Variants in TATDN3 observed in about 807,000 individuals in gnomAD.
The protein encoded by TATDN3 is TatD DNase domain containing 3, also known as deoxyribonuclease TATDN3.
A neutral mutation model predicts 40.1 loss-of-function variants in TATDN3; 29 were observed. The ratio of observed to expected loss-of-function variants is 0.72; its 90% CI spans 0.54 to 0.99. The LOEUF is 0.99. Among genes scored for constraint, TATDN3 ranks in the 50% least tolerant of loss-of-function variants. The pLI is 0.00. For missense variants in TATDN3, 309 were observed against 321.9 expected (o/e 0.96, Z 0.31); for synonymous variants, 105 against 117.0 (o/e 0.90, Z 0.66).
chr1:212,800,614 A>T (rs1438381388), intron 4 of TATDN3, among the ~76,000 whole-genome samples: 1 of 152,172 alleles, frequency 6.6e-6, no homozygotes, highest in East Asian at 1.9e-4. Context: ...GTAATTATTT[A>T]AAATCATTCT....
chr1:212,812,589 G>A (rs1159709707), intron 9 of TATDN3, among the ~76,000 whole-genome samples: 3 of 152,206 alleles, frequency 2.0e-5, no homozygotes, highest in Non-Finnish European at 4.4e-5. Context: ...AGTGTCTGCA[G>A]TCAGAAAGAC....
chr1:212,802,739 G>A lies in TATDN3; in HGVS notation c.297G>A (p.Lys99=), dbSNP rs369697680. 3.3e-5 allele frequency: 53 copies of A among 1,613,126 alleles called. No individual in the cohort carries two copies. The highest frequency in any genetic ancestry group is 4.4e-5 in the Non-Finnish European group (52 of 1,179,296). The part of the protein sequence containing the change: ...DVALPIIENY[K]DRLLAIGEVG... ...CTTTGCCCATTATTGAGAATTATAA[G>A]GATCGGTTGTTGGCAATTGGAGAGG... The change falls in exon 5 of 10, where the codon AAG becomes AAA. Residue 99 remains lysine, a synonymous_variant. Coordinates refer to ENST00000366974, the MANE Select transcript of TATDN3 (RefSeq NM_001042552.3).
At chr1:212,798,554 A>AAAAAG (rs1236219044) in intron 4 of TATDN3, among the ~76,000 whole-genome samples, 2 of 149,060 alleles carry the variant, frequency 1.3e-5, no homozygotes, top group Non-Finnish European at 3.0e-5. Context: ...AAAAAAAAAA[A>AAAAAG]AAAAGAAAAG....
chr1:212,814,927 C>A, intron 9 of TATDN3, 86 bp from the exon 10 acceptor site: 3 of 1,426,098 alleles, frequency 2.1e-6, no homozygotes, highest in Non-Finnish European at 2.8e-6. Flanking sequence ...TTGTTTTTAC[C>A]AACTCATTTT....
chr1:212,797,765 A>G (rs1367336695), intron 4 of TATDN3: 1 of 152,452 alleles, frequency 6.6e-6, no homozygotes, highest in Non-Finnish European at 1.5e-5. Context: ...AGTAAGTAGT[A>G]TTATCTTTGA....
chr1:212,812,068 C>T (rs959956516), intron 8 of TATDN3, among the ~76,000 whole-genome samples, 180 bp from the exon 9 acceptor site: 7 of 151,232 alleles, frequency 4.6e-5, no homozygotes, highest in South Asian at 2.1e-4. Context: ...CTCCTGACCT[C>T]GTGATCCACC....
intron 5 of TATDN3, among the ~76,000 whole-genome samples, chr1:212,803,935 C>A (rs1206616411): frequency 6.6e-6 from 1 of 151,972 alleles, no homozygotes; most frequent in Non-Finnish European, 1.5e-5. Flanking sequence ...ACTCAGGAAG[C>A]TGAGGCAAGA....
intron 7 of TATDN3, among the ~76,000 whole-genome samples, chr1:212,806,839 T>TATATACACATATATAC (rs1662550560): frequency 1.4e-5 from 1 of 71,840 alleles, no homozygotes; most frequent in African/African-American, 8.5e-5. Flanking sequence ...TATATATACA[T>TATATACACATATATAC]ATATACACAT....
At chr1:212,793,841 G>C (rs1324545108) in intron 1 of TATDN3, among the ~76,000 whole-genome samples, 1 of 152,142 alleles carries the variant, frequency 6.6e-6, no homozygotes, top group African/African-American at 2.4e-5. Context: ...AGGTGGAGGT[G>C]GGGAGGTCAG....
chr1:212,793,064 GCT>G (rs1661466847), intron 1 of TATDN3: 1 of 152,186 alleles, frequency 6.6e-6, no homozygotes, highest in South Asian at 2.1e-4. Flanking sequence ...TTGCCAAAAA[GCT>G]AAGTGGAGCC....
intron 8 of TATDN3, 149 bp downstream of exon 8, chr1:212,807,997 A>C (rs1662641751): frequency 5.3e-6 from 3 of 567,384 alleles, no homozygotes; most frequent in Non-Finnish European, 6.0e-6. Context: ...TGAACTCAGA[A>C]ATTGATCAAA....
rs2102493315 is a variant in TATDN3, at chr1:212,815,373, G to T, written c.*217G>T. The T allele has an allele frequency of 2.1e-6, 1 of 484,394 alleles. No individual in the cohort carries two copies. The highest frequency in any genetic ancestry group is 3.9e-5 in the East Asian group (1 of 25,724). 30.0% of individuals were successfully genotyped at this position (484,394 alleles called of 1,614,324 possible). A position where few individuals can be genotyped will look rare whatever the true frequency, so the allele number is the denominator to read the frequency against. On this transcript the variant is annotated 3_prime_UTR_variant, in exon 10 of 10. Transcript: ENST00000366974. ...CTTGTGCTGCTTTTCAATTAGCCGA[G>T]TTCTGGCAGGATATTGGGAAAATAC... is the stretch of plus-strand genomic sequence containing the variant.
chr1:212,803,430 C>T (rs1321330047), intron 5 of TATDN3, among the ~76,000 whole-genome samples: 1 of 152,062 alleles, frequency 6.6e-6, no homozygotes, highest in African/African-American at 2.4e-5. Context: ...GTAATCCACC[C>T]ACCTTCGCCT....
At position 212,815,239 on chromosome 1, in the gene TATDN3, A is replaced by C; in HGVS notation, c.*83A>C. 1 of 1,463,122 alleles carries C rather than the reference A, an allele frequency of 6.8e-7. No homozygotes were observed. The allele number at this position is 1,463,122 out of a possible 1,614,324, so 90.6% of individuals were successfully genotyped here. ...AGAAATGTTCTGATGAAGAATCTGA[A>C]CTGAAGAAGCTGTTTTATAGGGTTA... is the stretch of plus-strand genomic sequence containing the variant. On this transcript the variant is annotated 3_prime_UTR_variant, in exon 10 of 10. Coordinates refer to ENST00000366974, the MANE Select transcript of TATDN3 (RefSeq NM_001042552.3).
intron 9 of TATDN3, among the ~76,000 whole-genome samples, chr1:212,812,846 T>C (rs1662969550): frequency 6.6e-6 from 1 of 151,852 alleles, no homozygotes; most frequent in Non-Finnish European, 1.5e-5. Flanking sequence ...CTACTAAAAA[T>C]ACAAAAAAAT....
intron 6 of TATDN3, 38 bp from the exon 7 acceptor site, chr1:212,804,558 G>A: frequency 5.0e-6 from 8 of 1,599,754 alleles, no homozygotes; most frequent in Non-Finnish European, 6.0e-6. Context: ...AATACTTTCA[G>A]AATGGTACTT....
chr1:212,802,555 G>A (rs1662233978), intron 4 of TATDN3, 146 bp from the exon 5 acceptor site: 1 of 609,422 alleles, frequency 1.6e-6, no homozygotes, highest in Non-Finnish European at 3.0e-6. Flanking sequence ...CATTTTAGAA[G>A]GATTACTATT....
chr1:212,794,775 G>T (rs1661622166), intron 1 of TATDN3: 1 of 506,712 alleles, frequency 2.0e-6, no homozygotes, highest in Non-Finnish European at 3.8e-6. Context: ...GAAGTGAAGG[G>T]TGGAAAGCAT....
At chr1:212,805,176 G>A (rs1662382184) in intron 7 of TATDN3, among the ~76,000 whole-genome samples, 1 of 151,964 alleles carries the variant, frequency 6.6e-6, no homozygotes, top group Admixed American at 6.6e-5. Context: ...TGGCCAGGCT[G>A]GTCTCGAACT....
Sources: allele counts gnomAD v4.1 joint callset (sites outside exome capture counted in the v4.1 genomes callset), GRCh38; gene constraint gnomAD v4.1.1; transcripts MANE v1.5; gene names NCBI Gene and HGNC (gene_info 2026-07-23, HGNC 2026-07-21).